Variants in MYO1B observed in about 807,000 individuals in gnomAD.
MYO1B encodes myosin IB.
A neutral mutation model predicts 159.7 loss-of-function variants in MYO1B; 72 were observed. That is an observed-to-expected ratio of 0.45 (90% CI 0.37 to 0.55). The LOEUF (loss-of-function observed/expected upper bound fraction) is 0.55, where lower values mean the gene tolerates loss of function less well. Ranked by LOEUF, MYO1B falls within the 20% of genes least tolerant of loss-of-function variation. The probability of loss-of-function intolerance (pLI) is 0.00; values close to 1 mark genes in which losing one functional copy is unlikely to be tolerated. For synonymous variants in MYO1B, 468 were observed against 473.8 expected, an observed-to-expected ratio of 0.99 and a Z score of 0.16; for missense variants, 1,062 against 1,364.8, an observed-to-expected ratio of 0.78 and a Z score of 3.50.
intron 23 of MYO1B, 123 bp downstream of exon 23, chr2:191,400,958 C>A: frequency 2.2e-6 from 2 of 897,798 alleles, no homozygotes; most frequent in South Asian, 1.8e-5. Context: ...CATGTCCTAG[C>A]CGCCAGATTT....
At chr2:191,279,817 T>C (rs1687950190) in intron 2 of MYO1B, among the ~76,000 whole-genome samples, 1 of 152,174 alleles carries the variant, frequency 6.6e-6, no homozygotes, top group Non-Finnish European at 1.5e-5. Flanking sequence ...ATTATAAAAA[T>C]GGGTGACTCT....
intron 1 of MYO1B, among the ~76,000 whole-genome samples, chr2:191,266,318 C>T (rs1213127183): frequency 6.6e-6 from 1 of 152,178 alleles, no homozygotes; most frequent in East Asian, 1.9e-4. Flanking sequence ...GGCTACATAA[C>T]AGCCCTGTGG....
intron 3 of MYO1B, among the ~76,000 whole-genome samples, chr2:191,302,987 T>A (rs1689427299): frequency 6.6e-6 from 1 of 152,236 alleles, no homozygotes; most frequent in Admixed American, 6.5e-5. Context: ...CCATGAGTGA[T>A]GTTGCTATAA....
At chr2:191,254,864 A>C (rs1231452244) in intron 1 of MYO1B, among the ~76,000 whole-genome samples, 2 of 152,300 alleles carry the variant, frequency 1.3e-5, no homozygotes, top group Non-Finnish European at 1.5e-5. Context: ...GTGTTCATTT[A>C]TTAACTCATC....
intron 2 of MYO1B, among the ~76,000 whole-genome samples, chr2:191,283,713 G>C (rs1688198957): frequency 6.6e-6 from 1 of 152,196 alleles, no homozygotes; most frequent in African/African-American, 2.4e-5. Flanking sequence ...AGGAAGTTCA[G>C]CTGCAGAGTC....
At chr2:191,387,989 CCTT>C (rs948614607) in intron 17 of MYO1B, 43 of 161,028 alleles carry the variant, frequency 2.7e-4, no homozygotes, top group African/African-American at 1.0e-3. Flanking sequence ...AGTAGAAAGA[CCTT>C]CTTAAAAAGG....
intron 3 of MYO1B, among the ~76,000 whole-genome samples, chr2:191,321,572 A>G (rs184916388): frequency 1.5e-4 from 23 of 152,278 alleles, no homozygotes; most frequent in East Asian, 3.9e-4. Flanking sequence ...AAGATCCCCA[A>G]TTGCATATTT....
At chr2:191,364,887 T>C (rs528510548) in intron 11 of MYO1B, among the ~76,000 whole-genome samples, 157 of 152,260 alleles carry the variant, frequency 1.0e-3, no homozygotes, top group Non-Finnish European at 2.0e-3. Context: ...TCAAGGGTGA[T>C]TTAATGTTTT....
chr2:191,379,699 A>AT (rs1694927841), intron 13 of MYO1B, among the ~76,000 whole-genome samples: 1 of 152,168 alleles, frequency 6.6e-6, no homozygotes, highest in East Asian at 1.9e-4. Context: ...CTAAAAAAAA[A>AT]GTCAAAGATC....
intron 6 of MYO1B, among the ~76,000 whole-genome samples, chr2:191,348,321 G>T (rs1055527642): frequency 2.0e-5 from 3 of 152,008 alleles, no homozygotes; most frequent in African/African-American, 7.3e-5. Context: ...CATCATACAG[G>T]CCTTCAAACT....
At chr2:191,422,609 A>G (rs1355052400) in intron 30 of MYO1B, among the ~76,000 whole-genome samples, 1 of 152,206 alleles carries the variant, frequency 6.6e-6, no homozygotes, top group East Asian at 1.9e-4. Flanking sequence ...GATCAAACAC[A>G]TGATTTTATG....
intron 3 of MYO1B, among the ~76,000 whole-genome samples, chr2:191,313,142 A>G (rs1010211687): frequency 2.1e-5 from 3 of 144,890 alleles, no homozygotes; most frequent in African/African-American, 7.7e-5. Flanking sequence ...ATGGTTACTC[A>G]GATATCCAAG....
intron 3 of MYO1B, among the ~76,000 whole-genome samples, chr2:191,311,952 C>T (rs1006714418): frequency 8.5e-5 from 13 of 152,198 alleles, no homozygotes; most frequent in African/African-American, 2.2e-4. Flanking sequence ...GCCTCCTTTC[C>T]GTAACTTAAC....
chr2:191,329,546 A>G (rs1691319587), intron 3 of MYO1B, among the ~76,000 whole-genome samples: 1 of 150,952 alleles, frequency 6.6e-6, no homozygotes, highest in Admixed American at 6.6e-5. Context: ...TTAGTTTAAC[A>G]ACCCATAAAT....
chr2:191,279,182 A>G (rs772171219), intron 2 of MYO1B, among the ~76,000 whole-genome samples: 1 of 152,354 alleles, frequency 6.6e-6, no homozygotes. Flanking sequence ...ATATCAATTA[A>G]TGTTTTTCAT....
At position 191,411,109 on chromosome 2, in the gene MYO1B, T is replaced by C. The variant is rs549752409; in HGVS notation, c.2810T>C (p.Ile937Thr). 4 of 1,612,564 alleles carry C rather than the reference T, an allele frequency of 2.5e-6. No homozygotes were observed. The highest frequency in any genetic ancestry group is 1.7e-5 in the Admixed American group (1 of 59,814). Residue 937 changes from isoleucine (I) to threonine (T), a missense_variant, in exon 27 of 31, where the codon ATT becomes ACT. Physicochemically the swap from Ile to Thr is moderately conservative, Grantham distance 89. Around this residue, in one of 5 missense-constraint regions of MYO1B, gnomAD observed 609 missense variants for 744.4 expected, o/e 0.82. Coordinates refer to ENST00000392318, the MANE Select transcript of MYO1B (RefSeq NM_001130158.3). ...RDQFTDQQKL[I>T]YEEKLEASEL... ...CAATTCACAGACCAGCAGAAACTTA[T>C]TTATGAAGAGAAACTAGAAGCCAGT...
At chr2:191,274,048 G>A (rs977411677) in intron 1 of MYO1B, among the ~76,000 whole-genome samples, 1 of 152,144 alleles carries the variant, frequency 6.6e-6, no homozygotes, top group African/African-American at 2.4e-5. Flanking sequence ...CCCCCACACC[G>A]TTTCCTTAGT....
chr2:191,327,229 A>G (rs1691158827), intron 3 of MYO1B, among the ~76,000 whole-genome samples: 1 of 152,150 alleles, frequency 6.6e-6, no homozygotes, highest in Admixed American at 6.6e-5. Context: ...TCATTCATCC[A>G]TCCCTTCATT....
intron 1 of MYO1B, among the ~76,000 whole-genome samples, chr2:191,259,756 G>A (rs1185644263): frequency 6.6e-6 from 1 of 152,138 alleles, no homozygotes; most frequent in African/African-American, 2.4e-5. Flanking sequence ...TTGGTTGGTG[G>A]GGCAGAAAGA....
Sources: gnomAD v4.1 joint callset for allele counts (sites outside exome capture counted in the v4.1 genomes callset) on GRCh38, gnomAD v4.1.1 for gene constraint, gnomAD v4.1.1 regional missense constraint, MANE v1.5 for transcripts, NCBI Gene and HGNC (gene_info 2026-07-23, HGNC 2026-07-21) for gene names.